SLAMF1: variants seen among roughly 807,000 people sequenced by gnomAD.
The protein encoded by SLAMF1 is signaling lymphocytic activation molecule.
Under a neutral mutation model 35.1 loss-of-function variants are expected in SLAMF1, and 18 were observed. The observed-to-expected ratio is 0.51, with a 90% CI of 0.35 to 0.76. SLAMF1 has a LOEUF of 0.76. Among genes scored for constraint, SLAMF1 ranks in the 30% least tolerant of loss-of-function variants. SLAMF1 has a pLI of 0.01. For missense variants in SLAMF1, 392 were observed against 413.0 expected (o/e 0.95, Z 0.44); for synonymous variants, 168 against 157.2 (o/e 1.07, Z -0.51).
At chr1:160,628,799 A>G (rs1660012892) in intron 3 of SLAMF1, among the ~76,000 whole-genome samples, 1 of 152,242 alleles carries the variant, frequency 6.6e-6, no homozygotes, top group African/African-American at 2.4e-5. Flanking sequence ...ATCAAAGGGA[A>G]GGAGAAGTGA....
At chr1:160,623,348 G>A (rs1174714846) in intron 4 of SLAMF1, among the ~76,000 whole-genome samples, 1 of 152,156 alleles carries the variant, frequency 6.6e-6, no homozygotes, top group Non-Finnish European at 1.5e-5. Context: ...GTAGGTCGCT[G>A]TGCTATGATC....
At chr1:160,629,920 ACT>A (rs1428519524) in intron 3 of SLAMF1, among the ~76,000 whole-genome samples, 1 of 152,110 alleles carries the variant, frequency 6.6e-6, no homozygotes, top group African/African-American at 2.4e-5. Context: ...CATCTAAGTG[ACT>A]CTGAAACAAT....
At chr1:160,634,328 G>A in intron 3 of SLAMF1, 2 of 917,288 alleles carry the variant, frequency 2.2e-6, no homozygotes, top group South Asian at 5.0e-5. Context: ...GCAGGTTGGA[G>A]TCAAGGCAAG....
intron 3 of SLAMF1, among the ~76,000 whole-genome samples, chr1:160,633,559 C>T (rs917997098): frequency 2.6e-5 from 4 of 152,178 alleles, no homozygotes; most frequent in South Asian, 4.1e-4. Flanking sequence ...CCCATTGGAA[C>T]GATTCCTATG....
intron 3 of SLAMF1, among the ~76,000 whole-genome samples, chr1:160,630,069 T>A (rs1660087608): frequency 6.6e-6 from 1 of 152,172 alleles, no homozygotes; most frequent in Non-Finnish European, 1.5e-5. Context: ...CTGAAAAAGA[T>A]CCTCTCTTCA....
At chr1:160,618,980 A>G (rs764169328) in intron 5 of SLAMF1, among the ~76,000 whole-genome samples, 6 of 152,192 alleles carry the variant, frequency 3.9e-5, no homozygotes, top group Non-Finnish European at 8.8e-5. Context: ...TCAAGAGTCC[A>G]TCTCCTGGTT....
chr1:160,633,158 T>C (rs1486565269), intron 3 of SLAMF1, among the ~76,000 whole-genome samples: 1 of 152,230 alleles, frequency 6.6e-6, no homozygotes, highest in Non-Finnish European at 1.5e-5. Context: ...CTACCCACTA[T>C]GCTGCACAGC....
intron 5 of SLAMF1, 37 bp downstream of exon 5, chr1:160,619,739 C>T: frequency 7.7e-7 from 1 of 1,304,996 alleles, no homozygotes; most frequent in South Asian, 1.2e-5. Flanking sequence ...CTCTAGGAAA[C>T]ATGACAGGTT....
Position 160,610,627 on chromosome 1 carries a change from C to G in SLAMF1, c.*121G>C, listed in dbSNP as rs187719984. 1.2e-3 allele frequency: 841 copies of G among 717,644 alleles called. 3 individuals carry two copies. In the African/African-American group the frequency reaches 0.013, roughly 11 times the overall value. 44.5% of individuals were successfully genotyped at this position (717,644 alleles called of 1,614,324 possible). A position where few individuals can be genotyped will look rare whatever the true frequency, so the allele number is the denominator to read the frequency against. The stretch of plus-strand genomic sequence containing the variant: ...GAAGAAACATCACCAGGGAGTTGAT[C>G]TGAGAAGGGTACAGACGTGCAGCAT... On this transcript the variant is annotated 3_prime_UTR_variant, in exon 7 of 7. Coordinates refer to ENST00000302035, the MANE Select transcript of SLAMF1 (RefSeq NM_003037.5).
chr1:160,635,742 T>TC, intron 2 of SLAMF1, among the ~76,000 whole-genome samples: 1 of 150,810 alleles, frequency 6.6e-6, no homozygotes, highest in East Asian at 1.9e-4. Context: ...GAGCTAATTT[T>TC]TTTTTTTTTT....
At chr1:160,640,745 A>T (rs1660703160) in intron 1 of SLAMF1, among the ~76,000 whole-genome samples, 1 of 152,186 alleles carries the variant, frequency 6.6e-6, no homozygotes. Context: ...TATCTGGGCT[A>T]AAATCTGGCC....
chr1:160,632,880 C>T (rs1278096369), intron 3 of SLAMF1, among the ~76,000 whole-genome samples: 2 of 152,188 alleles, frequency 1.3e-5, no homozygotes, highest in African/African-American at 4.8e-5. Flanking sequence ...GAAAGCCTAG[C>T]TCCATCACTT....
Position 160,610,652 on chromosome 1 carries a change from T to C in SLAMF1, c.*96A>G. 1.2e-6 allele frequency: 1 copy of C among 821,020 alleles called. No homozygotes were observed. The allele number at this position is 821,020 out of a possible 1,614,324, so 50.9% of individuals were successfully genotyped here. On this transcript the variant is annotated 3_prime_UTR_variant, in exon 7 of 7. Coordinates refer to ENST00000302035, the MANE Select transcript of SLAMF1 (RefSeq NM_003037.5). ...CTGAGAAGGGTACAGACGTGCAGCATGTCTGCCAGAGGAAACTTGGGGCCT... is the reference window on the plus strand; with the variant it reads ...CTGAGAAGGGTACAGACGTGCAGCACGTCTGCCAGAGGAAACTTGGGGCCT...
intron 2 of SLAMF1, among the ~76,000 whole-genome samples, chr1:160,636,426 A>T (rs1372375235): frequency 6.6e-6 from 1 of 152,202 alleles, no homozygotes; most frequent in African/African-American, 2.4e-5. Context: ...CATTTTGAAG[A>T]AGCAGGAAAG....
chr1:160,646,956 G>A lies in SLAMF1; in HGVS notation c.-11C>T, dbSNP rs898313226. ...CCCCTTGGGATCCATCAGCCAATGA[G>A]GAGAAGGAAGGGATCCTGGCCGGAG... On this transcript the variant is annotated 5_prime_UTR_variant, in exon 1 of 7. Transcript: ENST00000302035. 7 of 1,499,016 alleles carry A rather than the reference G, an allele frequency of 4.7e-6. No individual in the cohort carries two copies. The highest frequency in any genetic ancestry group is 6.5e-6 in the Non-Finnish European group (7 of 1,076,782). 92.9% of individuals were successfully genotyped at this position (1,499,016 alleles called of 1,614,324 possible).
chr1:160,638,737 C>T (rs1487295927), intron 1 of SLAMF1, among the ~76,000 whole-genome samples: 1 of 152,154 alleles, frequency 6.6e-6, no homozygotes, highest in Admixed American at 6.5e-5. Context: ...CTCCACTAAG[C>T]CAAGTCAAAG....
In SLAMF1 at chr1:160,637,941, C is replaced by T. The variant is rs151099264; in HGVS notation, c.77-412G>A. Among the ~76,000 whole-genome samples the T allele has an allele frequency of 1.9e-3, 293 of 152,078 alleles. 1 individual carries two copies. Among genetic ancestry groups the T allele is most frequent in the Middle Eastern group, 6.8e-3 (2 of 294 alleles). ...AATATACAGGATGAAGGATGGAGAG[C>T]AAATAAAAGTGATTCTGAGCTCATG... is the stretch of plus-strand genomic sequence containing the variant. On this transcript the variant is annotated intron_variant, in intron 1 of 6. Transcript: ENST00000302035.
chr1:160,619,966 C>T (rs1313884402), intron 4 of SLAMF1, 117 bp from the exon 5 acceptor site: 1 of 741,538 alleles, frequency 1.3e-6, no homozygotes, highest in East Asian at 2.5e-5. Context: ...ACAATGGAAA[C>T]AAAGCCCTGA....
intron 2 of SLAMF1, 125 bp from the exon 3 acceptor site, chr1:160,635,022 C>T: frequency 2.5e-6 from 2 of 790,746 alleles, no homozygotes; most frequent in Non-Finnish European, 4.0e-6. Context: ...TGATTTATTT[C>T]TAGTGGGGAA....
Sources: gnomAD v4.1 joint callset for allele counts (sites outside exome capture counted in the v4.1 genomes callset) on GRCh38, gnomAD v4.1.1 for gene constraint, MANE v1.5 for transcripts, NCBI Gene and HGNC (gene_info 2026-07-23, HGNC 2026-07-21) for gene names.